DOCK9: variants seen among roughly 807,000 people sequenced by gnomAD.
The protein encoded by DOCK9 is dedicator of cytokinesis protein 9.
DOCK9 carries 89 observed loss-of-function variants against 263.3 expected under a neutral mutation model. That is an observed-to-expected ratio of 0.34 (90% CI 0.28 to 0.40). The LOEUF (loss-of-function observed/expected upper bound fraction) is 0.40, where lower values mean the gene tolerates loss of function less well. Ranked by LOEUF, DOCK9 falls within the 10% of genes least tolerant of loss-of-function variation. The pLI is 1.00. For missense variants in DOCK9, 2,140 were observed against 2,603.4 expected (o/e 0.82, Z 3.87); for synonymous variants, 976 against 973.1 (o/e 1.00, Z -0.06).
chr13:98,879,625 C>A (rs895269375), intron 27 of DOCK9, among the ~76,000 whole-genome samples: 1 of 152,208 alleles, frequency 6.6e-6, no homozygotes. Context: ...TGGGGCCAGA[C>A]TGGACTCAAA....
rs71419743 is a variant in DOCK9 at position 99,038,288 on chromosome 13, C to CTTTT, written c.129+47931_129+47934dup. On this transcript the variant is annotated intron_variant, in intron 1 of 32. Coordinates refer to the DOCK9 transcript ENST00000427887. ...GCTGAAAAACTGGCTTTATGCCCCC[C>CTTTT]TTTTTTTTTTTTTTTTTTTTTTTTT... Among the ~76,000 whole-genome samples the CTTTT allele has an allele frequency of 3.6e-3, 311 of 86,190 alleles. 6 individuals carry two copies. The highest frequency in any genetic ancestry group is 4.6e-3 in the Non-Finnish European group (209 of 45,928). 56.5% of individuals were successfully genotyped at this position (86,190 alleles called of 152,430 possible). A position where few individuals can be genotyped will look rare whatever the true frequency, so the allele number is the denominator to read the frequency against.
intron 1 of DOCK9, among the ~76,000 whole-genome samples, chr13:99,054,578 A>G (rs568738582): frequency 2.6e-5 from 4 of 152,336 alleles, no homozygotes; most frequent in Admixed American, 6.5e-5. Flanking sequence ...ACAGGGTTTG[A>G]GGGCAAGCAA....
intron 1 of DOCK9, among the ~76,000 whole-genome samples, chr13:99,059,330 A>G (rs2041077091): frequency 6.6e-6 from 1 of 152,120 alleles, no homozygotes; most frequent in African/African-American, 2.4e-5. Flanking sequence ...TGCCGAGGTC[A>G]TCTTTCTTCC....
At chr13:98,801,888 T>C (rs1040583424) in intron 49 of DOCK9, among the ~76,000 whole-genome samples, 1 of 152,218 alleles carries the variant, frequency 6.6e-6, no homozygotes, top group Admixed American at 6.5e-5. Context: ...TGAGGCAACC[T>C]CATATGTCAC....
At chr13:98,805,873 G>T (rs2090642675) in intron 48 of DOCK9, among the ~76,000 whole-genome samples, 1 of 152,084 alleles carries the variant, frequency 6.6e-6, no homozygotes, top group Admixed American at 6.5e-5. Context: ...TGATTCTCCT[G>T]CCTCAGCCTC....
At chr13:98,852,628 C>T (rs2093605102) in intron 35 of DOCK9, among the ~76,000 whole-genome samples, 1 of 152,174 alleles carries the variant, frequency 6.6e-6, no homozygotes, top group Non-Finnish European at 1.5e-5. Context: ...CATCCTAATT[C>T]AATCACCTTA....
intron 33 of DOCK9, chr13:98,860,138 C>T (rs1159216787): frequency 1.6e-6 from 2 of 1,249,882 alleles, no homozygotes; most frequent in Non-Finnish European, 2.0e-6. Flanking sequence ...AAAATGAAAA[C>T]TCAACAAACG....
chr13:98,910,766 G>A (rs2049872820), intron 9 of DOCK9, among the ~76,000 whole-genome samples: 1 of 152,038 alleles, frequency 6.6e-6, no homozygotes, highest in Non-Finnish European at 1.5e-5. Flanking sequence ...CTGTGGCCCA[G>A]CCTCCCAGCC....
chr13:98,836,034 C>T (rs1185691952), intron 39 of DOCK9, among the ~76,000 whole-genome samples: 1 of 152,152 alleles, frequency 6.6e-6, no homozygotes, highest in Non-Finnish European at 1.5e-5. Flanking sequence ...CTTCACCAGG[C>T]CCCTCTTCTT....
At chr13:98,954,488 C>T (rs1432264540) in intron 2 of DOCK9, among the ~76,000 whole-genome samples, 1 of 152,226 alleles carries the variant, frequency 6.6e-6, no homozygotes, top group East Asian at 1.9e-4. Context: ...AGCCTCACAG[C>T]TTCTTGTTAG....
exon 1 of DOCK9, chr13:99,086,451 C>A (rs999841192): frequency 3.8e-6 from 3 of 797,326 alleles, no homozygotes; most frequent in African/African-American, 3.8e-5. Context: ...CTCCGCCCGC[C>A]GCTCCCGGCG....
upstream of DOCK9, among the ~76,000 whole-genome samples, chr13:98,981,258 T>C (rs1162201451): frequency 6.6e-6 from 1 of 152,072 alleles, no homozygotes; most frequent in Admixed American, 6.5e-5. Context: ...GATTTCACCA[T>C]GTTGCCCAAG....
Position 98,829,834 on chromosome 13 carries a change from A to T in DOCK9, c.4636-78T>A. 7.6e-7 allele frequency: 1 copy of T among 1,314,350 alleles called. No individual in the cohort carries two copies. Among genetic ancestry groups the T allele is most frequent in the Admixed American group, 2.0e-5 (1 of 50,652 alleles). The allele number at this position is 1,314,350 out of a possible 1,614,324, so 81.4% of individuals were successfully genotyped here. A position where few individuals can be genotyped will look rare whatever the true frequency, so the allele number is the denominator to read the frequency against. ...GGCTGGGCTTCTGCGTTCAGTTAGG[A>T]TGTGCCTAAGGACCCAGCAAAGTGG... On this transcript the variant is annotated intron_variant, in intron 41 of 52. Transcript: ENST00000682017. This position sits in a 1 kb window ranked among gnomAD's most constrained non-coding sequence, Gnocchi z 4.1.
intron 1 of DOCK9, among the ~76,000 whole-genome samples, chr13:99,022,338 C>T (rs79497959): frequency 0.016 from 2,407 of 152,208 alleles, 66 homozygotes; most frequent in African/African-American, 0.054. Context: ...GTTATGACCA[C>T]GTAAAATATT....
intron 27 of DOCK9, among the ~76,000 whole-genome samples, chr13:98,879,374 G>A (rs919136245): frequency 1.3e-5 from 2 of 152,174 alleles, no homozygotes; most frequent in African/African-American, 4.8e-5. Context: ...GCCCCAACGA[G>A]ATGGATAATC....
intron 38 of DOCK9, among the ~76,000 whole-genome samples, chr13:98,839,028 G>C (rs982763411): frequency 1.3e-5 from 2 of 152,152 alleles, no homozygotes; most frequent in African/African-American, 4.8e-5. Context: ...ATTATAGAGT[G>C]GTTTTTAAAA....
chr13:99,046,772 C>T (rs1283544632), intron 1 of DOCK9, among the ~76,000 whole-genome samples: 1 of 152,244 alleles, frequency 6.6e-6, no homozygotes, highest in Non-Finnish European at 1.5e-5. Context: ...ACTTACTTTA[C>T]TTTCATTCTT....
Position 98,846,519 on chromosome 13 carries a change from C to T in DOCK9, c.4062-459G>A, listed in dbSNP as rs1443179808. The T allele has an allele frequency of 4.4e-6, 6 of 1,351,642 alleles. No homozygotes were observed. The South Asian group carries it at 6.8e-5, about 15-fold the overall frequency. 83.7% of individuals were successfully genotyped at this position (1,351,642 alleles called of 1,614,324 possible). A position where few individuals can be genotyped will look rare whatever the true frequency, so the allele number is the denominator to read the frequency against. ...ATGAGTTTTAACACCTTTATTCTTA[C>T]CCAAGCAGGAAGGAGAAGAGCCACA... On this transcript the variant is annotated intron_variant, in intron 37 of 52. Transcript: ENST00000682017.
chr13:98,822,965 T>C (rs910283826), intron 45 of DOCK9, among the ~76,000 whole-genome samples: 1 of 152,112 alleles, frequency 6.6e-6, no homozygotes, highest in Non-Finnish European at 1.5e-5. Context: ...ATTTTAAGAA[T>C]TATTGAGGAC....
Sources: gnomAD v4.1 joint callset for allele counts (sites outside exome capture counted in the v4.1 genomes callset) on GRCh38, gnomAD v4.1.1 for gene constraint, Gnocchi (gnomAD v3.1) non-coding constraint, MANE v1.5 for transcripts, NCBI Gene and HGNC (gene_info 2026-07-23, HGNC 2026-07-21) for gene names.